Variants in ADK observed in about 807,000 individuals in gnomAD.
ADK encodes adenosine kinase, also known as N6,N6-dimethyladenosine kinase.
ADK carries 24 observed loss-of-function variants against 44.7 expected under a neutral mutation model. The observed-to-expected ratio is 0.54, with a 90% CI of 0.39 to 0.76. The LOEUF is 0.76. Among genes scored for constraint, ADK ranks in the 30% least tolerant of loss-of-function variants. The pLI, the probability that ADK is intolerant of heterozygous loss-of-function variation, is 0.00. For missense variants in ADK, 321 were observed against 425.1 expected (o/e 0.76, Z 2.15); for synonymous variants, 128 against 142.6 (o/e 0.90, Z 0.73).
At chr10:74,224,391 A>G in intron 2 of ADK, 147 bp from the exon 3 acceptor site, 1 of 690,088 alleles carries the variant, frequency 1.4e-6, no homozygotes, top group Non-Finnish European at 2.7e-6. Flanking sequence ...AGAACAGCAA[A>G]AAACCGTCTA....
chr10:74,176,758 C>G, intron 1 of ADK: 5 of 1,554,450 alleles, frequency 3.2e-6, no homozygotes, highest in Non-Finnish European at 4.3e-6. Flanking sequence ...TGAGGACGCG[C>G]TCCCAGTCGC....
chr10:74,547,038 T>C (rs1357715017), intron 7 of ADK, among the ~76,000 whole-genome samples: 1 of 152,182 alleles, frequency 6.6e-6, no homozygotes, highest in Non-Finnish European at 1.5e-5. Context: ...TTTATTTGTT[T>C]TTATCATATT....
At chr10:74,623,801 T>A (rs1469838285) in intron 9 of ADK, among the ~76,000 whole-genome samples, 1 of 152,024 alleles carries the variant, frequency 6.6e-6, no homozygotes, top group Non-Finnish European at 1.5e-5. Flanking sequence ...CTAATCAATT[T>A]CTATAATCAA....
At chr10:74,595,845 A>T (rs1851903311) in intron 8 of ADK, among the ~76,000 whole-genome samples, 1 of 151,094 alleles carries the variant, frequency 6.6e-6, no homozygotes, top group Non-Finnish European at 1.5e-5. Context: ...AAAAATACAA[A>T]AATTAGTTGG....
At chr10:74,170,770 A>T (rs1842140666) in intron 1 of ADK, among the ~76,000 whole-genome samples, 1 of 150,624 alleles carries the variant, frequency 6.6e-6, no homozygotes, top group Non-Finnish European at 1.5e-5. Context: ...ACTGCACTCC[A>T]GCCTGGGCGA....
At chr10:74,498,747 T>C (rs917107269) in intron 6 of ADK, among the ~76,000 whole-genome samples, 24 of 152,196 alleles carry the variant, frequency 1.6e-4, no homozygotes, top group African/African-American at 5.5e-4. Context: ...CATTGTTCAA[T>C]TCCCACCTAT....
chr10:74,418,284 A>G (rs1298557741), intron 6 of ADK, among the ~76,000 whole-genome samples: 1 of 152,146 alleles, frequency 6.6e-6, no homozygotes, highest in Non-Finnish European at 1.5e-5. Context: ...TTCCCCCAAC[A>G]CAGCTTTTAG....
intron 6 of ADK, among the ~76,000 whole-genome samples, chr10:74,454,565 T>C (rs1845877272): frequency 6.6e-6 from 1 of 152,154 alleles, no homozygotes; most frequent in Non-Finnish European, 1.5e-5. Flanking sequence ...TGAATCTCTC[T>C]TTATGTGCAA....
At chr10:74,705,360 T>C (rs1589384968) in intron 10 of ADK, among the ~76,000 whole-genome samples, 1 of 152,364 alleles carries the variant, frequency 6.6e-6, no homozygotes, top group Admixed American at 6.5e-5. Context: ...CTGTCTTATT[T>C]GCAATTATCC....
chr10:74,213,454 G>C (rs1465308197), intron 2 of ADK, among the ~76,000 whole-genome samples: 2 of 151,928 alleles, frequency 1.3e-5, no homozygotes, highest in Non-Finnish European at 1.5e-5. Context: ...TCAATAAATG[G>C]TAGCTATTAC....
At chr10:74,416,283 C>G (rs1168388562) in intron 6 of ADK, among the ~76,000 whole-genome samples, 2 of 151,930 alleles carry the variant, frequency 1.3e-5, no homozygotes, top group East Asian at 3.9e-4. Context: ...ATTTTCAGAC[C>G]AATATTGGTT....
chr10:74,351,061 C>T (rs900966388), intron 4 of ADK, among the ~76,000 whole-genome samples: 1 of 152,158 alleles, frequency 6.6e-6, no homozygotes, highest in Non-Finnish European at 1.5e-5. Context: ...AGAGGGAGTC[C>T]TCCCTAACTC....
At chr10:74,696,707 A>G (rs1564857549) in intron 10 of ADK, among the ~76,000 whole-genome samples, 1 of 151,998 alleles carries the variant, frequency 6.6e-6, no homozygotes, top group African/African-American at 2.4e-5. Context: ...TATGTTTTCT[A>G]TTTATTTGTA....
At chr10:74,221,305 C>A (rs1459315122) in intron 2 of ADK, among the ~76,000 whole-genome samples, 60 of 143,560 alleles carry the variant, frequency 4.2e-4, no homozygotes, top group African/African-American at 1.4e-3. Context: ...TAGGAATCCA[C>A]CTTACAAGGG....
At chr10:74,394,033 T>C (rs1274154518) in intron 4 of ADK, 108 bp from the exon 5 acceptor site, 25 of 1,132,586 alleles carry the variant, frequency 2.2e-5, no homozygotes, top group South Asian at 2.1e-4. Flanking sequence ...TCATAACAGC[T>C]ACAGTTTCTC....
intron 10 of ADK, among the ~76,000 whole-genome samples, chr10:74,707,537 C>T (rs1003961626): frequency 7.9e-5 from 12 of 151,904 alleles, no homozygotes; most frequent in African/African-American, 2.2e-4. Context: ...CCAAGGCAGG[C>T]GGATCACCTG....
chr10:74,302,098 TTTGTTTG>T (rs373673426), intron 3 of ADK, among the ~76,000 whole-genome samples: 4,259 of 97,042 alleles, frequency 0.044, 580 homozygotes, highest in African/African-American at 0.15. Context: ...CTGTTTTTTT[TTTGTTTG>T]TTTGTTTTTT....
intron 2 of ADK, among the ~76,000 whole-genome samples, chr10:74,214,090 G>A (rs1048202917): frequency 9.9e-5 from 15 of 151,992 alleles, no homozygotes; most frequent in African/African-American, 2.9e-4. Flanking sequence ...TTTAATCCTC[G>A]TTTACTTTGC....
chr10:74,185,521 ATTTT>A, intron 1 of ADK, among the ~76,000 whole-genome samples: 1 of 144,808 alleles, frequency 6.9e-6, no homozygotes, highest in East Asian at 2.0e-4. Context: ...CAACAATATA[ATTTT>A]TTTTTTTTTT....
Sources: gnomAD v4.1 joint callset for allele counts (sites outside exome capture counted in the v4.1 genomes callset) on GRCh38, gnomAD v4.1.1 for gene constraint, MANE v1.5 for transcripts, NCBI Gene and HGNC (gene_info 2026-07-23, HGNC 2026-07-21) for gene names.